Variants in CCDC197 observed in about 807,000 individuals in gnomAD.
The protein encoded by CCDC197 is uncharacterized protein CCDC197.
CCDC197 carries 24 observed loss-of-function variants against 13.4 expected under a neutral mutation model. That is an observed-to-expected ratio of 1.80 (90% CI 1.30 to 2.53). The LOEUF (loss-of-function observed/expected upper bound fraction) is 2.53. Among genes scored for constraint, CCDC197 ranks in the 30% most tolerant of loss-of-function variants. The probability of loss-of-function intolerance (pLI) is 0.00; values close to 1 mark genes in which losing one functional copy is unlikely to be tolerated. For missense variants in CCDC197, 255 were observed against 148.8 expected, an observed-to-expected ratio of 1.71 and a Z score of -3.71; for synonymous variants, 99 against 55.5, an observed-to-expected ratio of 1.78 and a Z score of -3.48.
upstream of CCDC197, chr14:93,997,064 A>G (rs1371198848): frequency 2.2e-4 from 34 of 152,308 alleles, 1 homozygote; most frequent in Admixed American, 2.2e-3. Context: ...AAAGCAGACC[A>G]GCCTTGACAG....
chr14:94,001,430 G>A (rs1042760804), intron 4 of CCDC197, 107 bp downstream of exon 4: 4 of 566,072 alleles, frequency 7.1e-6, no homozygotes, highest in Admixed American at 3.2e-5. Flanking sequence ...GAGCAGCGGC[G>A]TAATGCTGGG....
chr14:93,988,215 G>C (rs1422096256), intron 1 of CCDC197, among the ~76,000 whole-genome samples: 3 of 116,546 alleles, frequency 2.6e-5, no homozygotes, highest in Non-Finnish European at 5.5e-5. Context: ...TATGGGAGAG[G>C]GGATGAGAGA....
chr14:94,004,228 A>T (rs940656030), intron 5 of CCDC197, among the ~76,000 whole-genome samples: 5 of 152,300 alleles, frequency 3.3e-5, no homozygotes, highest in South Asian at 2.1e-4. Flanking sequence ...CGGAGGCAAC[A>T]GTCTATGTTC....
Position 94,008,839 on chromosome 14 carries a change from G to A in CCDC197, c.*27G>A, listed in dbSNP as rs1035732066. Reference sequence around the variant, plus strand: ...CAGCCTGCGCCTTGCAGGCCCCATGGCATCACGACCTCTCCTTACCTGCCT... The same window carrying A: ...CAGCCTGCGCCTTGCAGGCCCCATGACATCACGACCTCTCCTTACCTGCCT... On this transcript the variant is annotated 3_prime_UTR_variant, in exon 7 of 7. Coordinates refer to ENST00000636493, the MANE Select transcript of CCDC197 (RefSeq NM_001351596.2). 8.7e-6 allele frequency: 6 copies of A among 685,966 alleles called. No homozygotes were observed. The highest frequency in any genetic ancestry group is 1.6e-5 in the Non-Finnish European group (6 of 372,946). The allele number at this position is 685,966 out of a possible 1,614,324, so 42.5% of individuals were successfully genotyped here.
intron 6 of CCDC197, among the ~76,000 whole-genome samples, chr14:94,005,221 A>T (rs1890648186): frequency 6.6e-6 from 1 of 152,192 alleles, no homozygotes; most frequent in Admixed American, 6.5e-5. Context: ...CTTCATATGT[A>T]GCTCCACACT....
At chr14:94,002,519 A>G (rs1251016584) in intron 4 of CCDC197, among the ~76,000 whole-genome samples, 1 of 152,060 alleles carries the variant, frequency 6.6e-6, no homozygotes. Flanking sequence ...GTTCCTTCTC[A>G]TGCTGCTAAT....
At chr14:93,996,981 C>T (rs1190680813), upstream of CCDC197, among the ~76,000 whole-genome samples, 1 of 152,210 alleles carries the variant, frequency 6.6e-6, no homozygotes, top group Non-Finnish European at 1.5e-5. Context: ...GCCTGAGCTG[C>T]AGCCACCAAA....
At chr14:94,004,795 A>T in intron 5 of CCDC197, 60 bp from the exon 6 acceptor site, 1 of 688,894 alleles carries the variant, frequency 1.5e-6, no homozygotes, top group Non-Finnish European at 2.6e-6. Flanking sequence ...GAGCCAGGGC[A>T]GGGGCAGGGG....
upstream of CCDC197, among the ~76,000 whole-genome samples, chr14:93,995,695 G>C (rs944151709): frequency 1.3e-5 from 2 of 152,174 alleles, no homozygotes; most frequent in Non-Finnish European, 2.9e-5. Flanking sequence ...AAAAGGGGTT[G>C]GGAAGGATTC....
chr14:93,995,285 T>C (rs1188184333), upstream of CCDC197, among the ~76,000 whole-genome samples: 1 of 152,100 alleles, frequency 6.6e-6, no homozygotes, highest in Admixed American at 6.5e-5. Context: ...CTTCCAGAAC[T>C]TGTTGGAAGC....
At chr14:93,997,949 C>A in intron 1 of CCDC197, 50 bp from the exon 2 acceptor site, 2 of 606,600 alleles carry the variant, frequency 3.3e-6, no homozygotes, top group South Asian at 1.9e-5. Flanking sequence ...GCCAGATGAC[C>A]TTAAGCTGCT....
intron 1 of CCDC197, among the ~76,000 whole-genome samples, chr14:93,990,821 T>C (rs1233698517): frequency 1.3e-5 from 2 of 152,294 alleles, no homozygotes; most frequent in East Asian, 1.9e-4. Context: ...ATAGTGACAA[T>C]AGTGATGTCT....
chr14:93,999,707 C>G (rs571035402), intron 3 of CCDC197, 42 bp downstream of exon 3: 2 of 779,292 alleles, frequency 2.6e-6, no homozygotes, highest in African/African-American at 3.4e-5. Context: ...CTCTCCACAG[C>G]CACCTACTGG....
intron 6 of CCDC197, 72 bp from the exon 7 acceptor site, chr14:94,008,537 T>C (rs1467018407): frequency 3.0e-6 from 2 of 674,472 alleles, no homozygotes; most frequent in African/African-American, 3.5e-5. Context: ...CCTTTGATGA[T>C]GCTTTGGTAC....
At chr14:94,008,897 C>T, downstream of CCDC197, 1 of 639,316 alleles carries the variant, frequency 1.6e-6, no homozygotes, top group South Asian at 1.7e-5. Context: ...ATCTCTAAGC[C>T]AGTGGGAGAG....
At chr14:94,006,771 C>T (rs1890692415) in intron 6 of CCDC197, among the ~76,000 whole-genome samples, 1 of 152,134 alleles carries the variant, frequency 6.6e-6, no homozygotes, top group African/African-American at 2.4e-5. Flanking sequence ...TTTTTACTAT[C>T]TTGATGAAGC....
Position 94,008,822 on chromosome 14 carries a change from G to T in CCDC197, c.*10G>T. 1.4e-6 allele frequency: 1 copy of T among 692,792 alleles called. No homozygotes were observed. Among genetic ancestry groups the T allele is most frequent in the Non-Finnish European group, 2.6e-6 (1 of 377,486 alleles). 42.9% of individuals were successfully genotyped at this position (692,792 alleles called of 1,614,324 possible). Reference sequence around the variant, plus strand: ...CTCCGGCCTGTACTGACCAGCCTGCGCCTTGCAGGCCCCATGGCATCACGA... The same window carrying T: ...CTCCGGCCTGTACTGACCAGCCTGCTCCTTGCAGGCCCCATGGCATCACGA... On this transcript the variant is annotated 3_prime_UTR_variant, in exon 7 of 7. Transcript: ENST00000636493.
downstream of CCDC197, among the ~76,000 whole-genome samples, chr14:94,011,319 C>T (rs2180089): frequency 6.8e-3 from 1,033 of 152,342 alleles, 46 homozygotes; most frequent in Admixed American, 0.046. Flanking sequence ...ACCTGTCGTG[C>T]TTGATCTAGC....
At chr14:93,990,807 G>C (rs1281715061) in intron 1 of CCDC197, among the ~76,000 whole-genome samples, 1 of 152,234 alleles carries the variant, frequency 6.6e-6, no homozygotes, top group Non-Finnish European at 1.5e-5. Flanking sequence ...CACCAGGCAT[G>C]ATAATAGTGA....
Sources: gnomAD v4.1 joint callset for allele counts (sites outside exome capture counted in the v4.1 genomes callset) on GRCh38, gnomAD v4.1.1 for gene constraint, MANE v1.5 for transcripts, NCBI Gene and HGNC (gene_info 2026-07-23, HGNC 2026-07-21) for gene names.